DHX36: variants seen among roughly 807,000 people sequenced by gnomAD.
The protein encoded by DHX36 is ATP-dependent DNA/RNA helicase DHX36.
A neutral mutation model predicts 139.0 loss-of-function variants in DHX36; 50 were observed. That is an observed-to-expected ratio of 0.36 (90% CI 0.29 to 0.46). The LOEUF (loss-of-function observed/expected upper bound fraction) is 0.46, where lower values mean the gene tolerates loss of function less well. Among genes scored for constraint, DHX36 ranks in the 20% least tolerant of loss-of-function variants. The probability of loss-of-function intolerance (pLI) is 1.00; values close to 1 mark genes in which losing one functional copy is unlikely to be tolerated. For synonymous variants in DHX36, 425 were observed against 401.9 expected (o/e 1.06, Z -0.69); for missense variants, 1,024 against 1,211.3 (o/e 0.85, Z 2.29).
At chr3:154,277,828 T>A in intron 22 of DHX36, 110 bp from the exon 23 acceptor site, 1 of 1,026,192 alleles carries the variant, frequency 9.7e-7, no homozygotes, top group Non-Finnish European at 1.3e-6. Context: ...ACCAAACAAA[T>A]CCCGGAATCT....
chr3:154,286,957 TGAA>T (rs1017080169), intron 17 of DHX36, among the ~76,000 whole-genome samples: 1 of 152,060 alleles, frequency 6.6e-6, no homozygotes, highest in African/African-American at 2.4e-5. Context: ...AAGACGTTTT[TGAA>T]GAAGAATGAA....
Position 154,299,938 on chromosome 3 carries a change from G to A in DHX36, c.1462-13C>T, listed in dbSNP as rs759084090. 2.5e-6 allele frequency: 4 copies of A among 1,580,482 alleles called. No individual in the cohort carries two copies. The highest frequency in any genetic ancestry group is 3.3e-4 in the Middle Eastern group (2 of 5,992). On this transcript the variant is annotated splice_polypyrimidine_tract_variant and intron_variant, in intron 11 of 24. Coordinates refer to ENST00000496811, the MANE Select transcript of DHX36 (RefSeq NM_020865.3). ...GTATCGCACCATCCTATATGAAGGGGAAATAACCATTACAAAGGATCACAT... is the reference window on the plus strand; with the variant it reads ...GTATCGCACCATCCTATATGAAGGGAAAATAACCATTACAAAGGATCACAT...
intron 8 of DHX36, among the ~76,000 whole-genome samples, chr3:154,304,228 C>G (rs1712414544): frequency 6.6e-6 from 1 of 152,134 alleles, no homozygotes; most frequent in South Asian, 2.1e-4. Context: ...CCTTCCTTCA[C>G]AAGTATAAGC....
Position 154,284,633 on chromosome 3 carries a change from ATTCCT to A in DHX36, c.2237_2241del (p.Lys746IlefsTer6). The A allele has an allele frequency of 6.2e-7, 1 of 1,612,830 alleles. No individual in the cohort carries two copies. Among genetic ancestry groups the A allele is most frequent in the Non-Finnish European group, 8.5e-7 (1 of 1,179,460 alleles). ...TGATCACTTCTAGTATCCTTTGCCA[ATTCCT>A]TTCTTCTTGCATCTGCAATCTTTTC... On this transcript the variant is annotated frameshift_variant, in exon 19 of 25. Coordinates refer to ENST00000496811, the MANE Select transcript of DHX36 (RefSeq NM_020865.3). LOFTEE classifies it high-confidence loss of function.
intron 19 of DHX36, among the ~76,000 whole-genome samples, chr3:154,283,576 C>T (rs766506362): frequency 1.3e-5 from 2 of 151,722 alleles, no homozygotes; most frequent in Non-Finnish European, 2.9e-5. Context: ...TCAAAAAGAA[C>T]ACACTATTAA....
intron 22 of DHX36, chr3:154,279,425 C>T (rs776262708): frequency 6.6e-6 from 1 of 152,148 alleles, no homozygotes; most frequent in Non-Finnish European, 1.5e-5. Context: ...AAATGAATTT[C>T]AAAGTGACTC....
rs67771264 is a variant in DHX36, at chr3:154,312,852, AATATATATATATATATATATATATAT to A, written c.604-1204_604-1179del. On this transcript the variant is annotated intron_variant, in intron 3 of 24. Transcript: ENST00000496811. ...CAAAAAAAAAAAAGGAAATAATTAA[AATATATATATATATATATATATATAT>A]ATATATATATATATATATATATAAA... is the stretch of plus-strand genomic sequence containing the variant. Among the ~76,000 whole-genome samples the A allele has an allele frequency of 2.2e-3, 88 of 39,764 alleles. 2 individuals are homozygous for A. In the East Asian group the frequency reaches 0.04, roughly 18 times the overall value. 26.1% of individuals were successfully genotyped at this position (39,764 alleles called of 152,430 possible).
chr3:154,292,494 T>G, intron 15 of DHX36, 57 bp downstream of exon 15: 2 of 1,603,978 alleles, frequency 1.2e-6, no homozygotes, highest in African/African-American at 2.7e-5. Context: ...AACATCACAT[T>G]TTGTTACACA....
At chr3:154,323,785 C>G (rs1262836359) in intron 1 of DHX36, among the ~76,000 whole-genome samples, 2 of 152,170 alleles carry the variant, frequency 1.3e-5, no homozygotes, top group African/African-American at 4.8e-5. Context: ...AGAAAGGTCG[C>G]TATGTGCTTC....
rs1553757089 is a variant in DHX36, at chr3:154,286,178, A to AAAAAC, written c.2032-1192_2032-1191insGTTTT. 6.7e-4 allele frequency among the ~76,000 whole-genome samples: 86 copies of AAAAAC among 127,616 alleles called. 4 individuals are homozygous for AAAAAC. The highest frequency in any genetic ancestry group is 1.3e-3 in the Non-Finnish European group (74 of 59,094). 83.7% of individuals were successfully genotyped at this position (127,616 alleles called of 152,430 possible). On this transcript the variant is annotated intron_variant, in intron 17 of 24. Coordinates refer to ENST00000496811, the MANE Select transcript of DHX36 (RefSeq NM_020865.3). Reference sequence around the variant, plus strand: ...AGCTTCCACACACCAAAAAAAAAAAAAAAAAAAAAAAAAACACCAACAAAC... The same window carrying AAAAAC: ...AGCTTCCACACACCAAAAAAAAAAAAAAAACAAAAAAAAAAAAAACACCAACAAAC...
At chr3:154,296,173 G>A (rs1712038395) in intron 12 of DHX36, among the ~76,000 whole-genome samples, 1 of 152,108 alleles carries the variant, frequency 6.6e-6, no homozygotes, top group Non-Finnish European at 1.5e-5. Flanking sequence ...AATAGTCCTT[G>A]TTAAAAATAA....
At position 154,301,081 on chromosome 3, in the gene DHX36, A is replaced by G; in HGVS notation, c.1264T>C (p.Phe422Leu). The G allele has an allele frequency of 6.2e-7, 1 of 1,612,330 alleles. No homozygotes were observed. Among genetic ancestry groups the G allele is most frequent in the Non-Finnish European group, 8.5e-7 (1 of 1,179,616 alleles). ...TGTCTATTTACATGCCCTTGCATGA[A>G]ACCCCTCTTAAACTGGGATCTGTGT... Reference protein sequence around the residue: ...KEHRSQFKRGFMQGHVNRQEK... With the variant: ...KEHRSQFKRGLMQGHVNRQEK... The change falls in exon 10 of 25, where the codon TTC (phenylalanine) becomes CTC (leucine). Residue 422 changes from phenylalanine (F) to leucine (L), a missense_variant. Transcript: ENST00000496811.
chr3:154,288,996 A>G (rs1165789707), intron 16 of DHX36, 32 bp from the exon 17 acceptor site: 10 of 1,073,450 alleles, frequency 9.3e-6, no homozygotes, highest in Admixed American at 2.4e-5. Context: ...TATTAAATAC[A>G]TATAATATTA....
At chr3:154,298,092 T>C (rs1006872169) in intron 12 of DHX36, among the ~76,000 whole-genome samples, 15 of 152,172 alleles carry the variant, frequency 9.9e-5, no homozygotes, top group African/African-American at 3.4e-4. Flanking sequence ...TTAAAAGGAA[T>C]TGAGCTGGTA....
rs561929808 is a variant in DHX36 at position 154,274,908 on chromosome 3, T to C, written c.*1263A>G. On this transcript the variant is annotated 3_prime_UTR_variant, in exon 25 of 25. Transcript: ENST00000496811. Reference sequence around the variant, plus strand: ...TATCACAATCTGATAGGGCTGAAAATGTACAGCATGTGTTGTTACACTATT... The same window carrying C: ...TATCACAATCTGATAGGGCTGAAAACGTACAGCATGTGTTGTTACACTATT... 1 of 152,234 alleles carries C rather than the reference T, an allele frequency of 6.6e-6. No homozygotes were observed. Among genetic ancestry groups the C allele is most frequent in the South Asian group, 2.1e-4 (1 of 4,820 alleles). The allele number at this position is 152,234 out of a possible 1,614,324, so 9.4% of individuals were successfully genotyped here. A position where few individuals can be genotyped will look rare whatever the true frequency, so the allele number is the denominator to read the frequency against.
chr3:154,316,304 A>G lies in DHX36; in HGVS notation c.244-141T>C. 5 of 1,022,384 alleles carry G rather than the reference A, an allele frequency of 4.9e-6. No homozygotes were observed. The South Asian group carries it at 6.1e-5, about 13-fold the overall frequency. 63.3% of individuals were successfully genotyped at this position (1,022,384 alleles called of 1,614,324 possible). ...AGAAAGTTATCCACAGGTGTCCTCT[A>G]GCCCAATACCCCCCTTCCTAGACCT... is the stretch of plus-strand genomic sequence containing the variant. On this transcript the variant is annotated intron_variant, in intron 1 of 24. Coordinates refer to ENST00000496811, the MANE Select transcript of DHX36 (RefSeq NM_020865.3).
chr3:154,286,637 A>ATT (rs1184497830), intron 17 of DHX36, among the ~76,000 whole-genome samples: 2 of 151,966 alleles, frequency 1.3e-5, no homozygotes, highest in African/African-American at 4.8e-5. Flanking sequence ...TACCCAAATA[A>ATT]ACAGAGGAAT....
chr3:154,316,802 GA>G (rs752514618), intron 1 of DHX36, among the ~76,000 whole-genome samples: 352 of 132,950 alleles, frequency 2.6e-3, no homozygotes, highest in African/African-American at 4.2e-3. Flanking sequence ...TGTCCAAGGT[GA>G]AAAAAAAAAA....
chr3:154,276,395 A>T, intron 24 of DHX36, 39 bp from the exon 25 acceptor site: 1 of 1,542,034 alleles, frequency 6.5e-7, no homozygotes, highest in East Asian at 2.2e-5. Context: ...ACAAAGGCAG[A>T]TATATTACCA....
Sources: allele counts gnomAD v4.1 joint callset (sites outside exome capture counted in the v4.1 genomes callset), GRCh38; gene constraint gnomAD v4.1.1; transcripts MANE v1.5; gene names NCBI Gene and HGNC (gene_info 2026-07-23, HGNC 2026-07-21).